DLGAP1: variants seen among roughly 807,000 people sequenced by gnomAD.
The protein encoded by DLGAP1 is DLG associated protein 1.
In DLGAP1, 11 loss-of-function variants were observed where a neutral mutation model predicts 90.8. The ratio of observed to expected loss-of-function variants is 0.12; its 90% confidence interval spans 0.08 to 0.20. The LOEUF is 0.20. Ranked by LOEUF, DLGAP1 falls within the 10% of genes least tolerant of loss-of-function variation. DLGAP1 has a pLI of 1.00. For missense variants in DLGAP1, 1,050 were observed against 1,333.8 expected, an observed-to-expected ratio of 0.79 and a Z score of 3.31; for synonymous variants, 558 against 540.7, an observed-to-expected ratio of 1.03 and a Z score of -0.44.
At position 3,742,361 on chromosome 18, in the gene DLGAP1, T is replaced by A. The variant is rs778454780; in HGVS notation, c.1324A>T (p.Met442Leu). Residue 442 changes from methionine to leucine, a missense_variant, in exon 6 of 13, where the codon ATG (methionine) becomes TTG (leucine). By Grantham distance (15) the Met-to-Leu change is conservative. Coordinates refer to ENST00000315677, the MANE Select transcript of DLGAP1 (RefSeq NM_004746.4). ...PKFRSRNESY[M>L]RAMSTISQVS... ...TGGCTGATGGTGCTCATGGCTCGCATGTAGCTCTCATTCCTGGAGCGGAAC... is the reference window on the plus strand; with the variant it reads ...TGGCTGATGGTGCTCATGGCTCGCAAGTAGCTCTCATTCCTGGAGCGGAAC... 3.7e-6 allele frequency: 6 copies of A among 1,613,952 alleles called. No individual in the cohort carries two copies. The African/African-American group carries it at 8.0e-5, about 22-fold the overall frequency.
intron 5 of DLGAP1, among the ~76,000 whole-genome samples, chr18:3,791,516 G>A (rs957244822): frequency 4.5e-5 from 5 of 110,054 alleles, no homozygotes; most frequent in Admixed American, 1.1e-4. Context: ...GCACATGTGC[G>A]TGTGTGTGTG....
chr18:4,104,085 T>C (rs2075822256), intron 2 of DLGAP1, among the ~76,000 whole-genome samples: 2 of 152,136 alleles, frequency 1.3e-5, no homozygotes, highest in Admixed American at 1.3e-4. Context: ...AATTTCTATT[T>C]CTAGTTAAGA....
chr18:4,190,418 T>C (rs1192908755), intron 1 of DLGAP1, among the ~76,000 whole-genome samples: 1 of 152,092 alleles, frequency 6.6e-6, no homozygotes, highest in Admixed American at 6.6e-5. Context: ...CATTGAAACT[T>C]TGAAACTATT....
At chr18:4,282,685 C>T (rs939202236) in intron 1 of DLGAP1, among the ~76,000 whole-genome samples, 7 of 152,228 alleles carry the variant, frequency 4.6e-5, no homozygotes, top group African/African-American at 7.2e-5. Context: ...TTGACAAAAC[C>T]TTGCTAAATT....
chr18:3,629,469 A>T (rs1358760969), intron 7 of DLGAP1, among the ~76,000 whole-genome samples: 1 of 152,070 alleles, frequency 6.6e-6, no homozygotes, highest in Non-Finnish European at 1.5e-5. Context: ...CAGGAGATCG[A>T]GACCATCCTG....
chr18:4,194,951 TTC>T (rs2077468673), intron 1 of DLGAP1, among the ~76,000 whole-genome samples: 2 of 152,206 alleles, frequency 1.3e-5, no homozygotes, highest in Admixed American at 6.5e-5. Flanking sequence ...TTGAAATTTA[TTC>T]TTTTACTTTG....
chr18:3,684,674 C>T (rs2060637106), intron 7 of DLGAP1, among the ~76,000 whole-genome samples: 1 of 152,150 alleles, frequency 6.6e-6, no homozygotes, highest in Admixed American at 6.6e-5. Flanking sequence ...TGGGGCACCC[C>T]TTCAGGGCAG....
At chr18:3,888,211 G>C (rs894636360) in intron 3 of DLGAP1, among the ~76,000 whole-genome samples, 1 of 150,528 alleles carries the variant, frequency 6.6e-6, no homozygotes, top group South Asian at 2.1e-4. Context: ...GATATTTTCT[G>C]ACCTTTTGAA....
At chr18:4,163,804 G>C (rs2076887520) in intron 1 of DLGAP1, among the ~76,000 whole-genome samples, 1 of 152,092 alleles carries the variant, frequency 6.6e-6, no homozygotes, top group Admixed American at 6.5e-5. Context: ...ACTTTTCTGT[G>C]TCCCTTTTCT....
chr18:4,245,224 T>C (rs2078628926), intron 1 of DLGAP1, among the ~76,000 whole-genome samples: 1 of 152,214 alleles, frequency 6.6e-6, no homozygotes, highest in African/African-American at 2.4e-5. Flanking sequence ...GTATTATCAG[T>C]ATAATAGTAT....
intron 1 of DLGAP1, among the ~76,000 whole-genome samples, chr18:4,247,642 T>A (rs561648444): frequency 6.6e-6 from 1 of 152,058 alleles, no homozygotes; most frequent in East Asian, 1.9e-4. Flanking sequence ...CCAGGCGTGG[T>A]GGCAGGCGCC....
chr18:4,258,133 C>T (rs973035154), intron 1 of DLGAP1, among the ~76,000 whole-genome samples: 1 of 151,646 alleles, frequency 6.6e-6, no homozygotes. Context: ...AGCTCCTGGA[C>T]TCAAGTGATC....
At chr18:3,785,078 C>G (rs1045410694) in intron 5 of DLGAP1, among the ~76,000 whole-genome samples, 32 of 152,198 alleles carry the variant, frequency 2.1e-4, no homozygotes, top group African/African-American at 7.5e-4. Flanking sequence ...ATAATCTATG[C>G]AGCAGTTGTG....
intron 2 of DLGAP1, among the ~76,000 whole-genome samples, chr18:4,149,068 AC>A (rs2144382331): frequency 6.6e-6 from 1 of 152,378 alleles, no homozygotes; most frequent in South Asian, 2.1e-4. Context: ...AATAGGAAAG[AC>A]AAAAATTAAA....
Position 3,565,766 on chromosome 18 carries a change from C to T in DLGAP1, c.2057+1724G>A, listed in dbSNP as rs1445360680. On this transcript the variant is annotated intron_variant, in intron 9 of 12. Coordinates refer to ENST00000315677, the MANE Select transcript of DLGAP1 (RefSeq NM_004746.4). The surrounding 1 kb of genome is among the most constrained non-coding windows in gnomAD (Gnocchi z 4.0). ...AGGAGAACCGCTTGAACCCAGGAGG[C>T]GGAGGTTGCAGTGAGCCGAAATTGC... Among the ~76,000 whole-genome samples the T allele has an allele frequency of 2.0e-5, 3 of 151,880 alleles. No individual in the cohort carries two copies. The highest frequency in any genetic ancestry group is 4.8e-5 in the African/African-American group (2 of 41,344).
chr18:3,614,013 C>G (rs919150973), intron 7 of DLGAP1, among the ~76,000 whole-genome samples: 7 of 152,078 alleles, frequency 4.6e-5, no homozygotes, highest in Non-Finnish European at 8.8e-5. Context: ...AGCTCCGCCC[C>G]CAGGTTCAAG....
chr18:3,646,906 C>CGG lies in DLGAP1; in HGVS notation c.1592-64659_1592-64658insCC, dbSNP rs1358225116. Among the ~76,000 whole-genome samples, 847 of 151,710 alleles carry CGG rather than the reference C, an allele frequency of 5.6e-3. 8 individuals are homozygous for CGG. Among genetic ancestry groups the CGG allele is most frequent in the African/African-American group, 0.02 (821 of 41,226 alleles). ...AACTACTGCACTTCAGCCTGGGCAA[C>CGG]AGGGCGAGACTCCATCTCAAAATAA... On this transcript the variant is annotated intron_variant, in intron 7 of 12. Coordinates refer to ENST00000315677, the MANE Select transcript of DLGAP1 (RefSeq NM_004746.4).
intron 8 of DLGAP1, among the ~76,000 whole-genome samples, chr18:3,574,744 T>G (rs1431525236): frequency 1.3e-5 from 2 of 152,134 alleles, no homozygotes; most frequent in East Asian, 3.8e-4. Flanking sequence ...TTTACTATTT[T>G]AAGTCAATAA....
At chr18:4,061,644 T>C (rs1420786426) in intron 2 of DLGAP1, among the ~76,000 whole-genome samples, 1 of 152,192 alleles carries the variant, frequency 6.6e-6, no homozygotes. Context: ...AAAGGTACAA[T>C]TTGGATTTCT....
Sources: allele counts gnomAD v4.1 joint callset (sites outside exome capture counted in the v4.1 genomes callset), GRCh38; gene constraint gnomAD v4.1.1; non-coding constraint Gnocchi (gnomAD v3.1); transcripts MANE v1.5; gene names NCBI Gene and HGNC (gene_info 2026-07-23, HGNC 2026-07-21).